The following CYP3A5 variants were observed in gnomAD, a reference collection of about 807,000 sequenced individuals.
CYP3A5 encodes cytochrome P450 3A5.
In CYP3A5, 51 loss-of-function variants were observed where a neutral mutation model predicts 55.9. The ratio of observed to expected loss-of-function variants is 0.91; its 90% CI spans 0.73 to 1.15. The LOEUF is 1.15. Ranked by LOEUF, CYP3A5 falls within the 50% of genes most tolerant of loss-of-function variation. The pLI is 0.00. For synonymous variants in CYP3A5, 196 were observed against 213.9 expected, an observed-to-expected ratio of 0.92 and a Z score of 0.73; for missense variants, 533 against 596.6, an observed-to-expected ratio of 0.89 and a Z score of 1.11.
chr7:99,676,181 A>C lies in CYP3A5; in HGVS notation c.99T>G (p.Phe33Leu). The C allele has an allele frequency of 3.1e-6, 5 of 1,613,790 alleles. No individual in the cohort carries two copies. Among genetic ancestry groups the C allele is most frequent in the Non-Finnish European group, 4.2e-6 (5 of 1,179,860 alleles). ...YLYGTRTHGL[F>L]KRLGIPGPTP... ...TGGGCCCTGGAATTCCCAGTCTCTTAAAAAGTCCATGTGTACGGGTCCCAT... is the reference window on the plus strand; with the variant it reads ...TGGGCCCTGGAATTCCCAGTCTCTTCAAAAGTCCATGTGTACGGGTCCCAT... The change falls in exon 2 of 13, where the codon TTT becomes TTG. Residue 33 changes from phenylalanine to leucine, a missense_variant. Phe to Leu is a conservative substitution (Grantham distance 22, BLOSUM62 0). Transcript: ENST00000222982.
At chr7:99,678,661 C>G (rs1812525529) in intron 1 of CYP3A5, among the ~76,000 whole-genome samples, 1 of 152,116 alleles carries the variant, frequency 6.6e-6, no homozygotes, top group Non-Finnish European at 1.5e-5. Context: ...TAGTCTATCT[C>G]CAAAAAATTC....
chr7:99,661,757 C>T (rs556331375), intron 9 of CYP3A5, among the ~76,000 whole-genome samples: 1 of 152,300 alleles, frequency 6.6e-6, no homozygotes, highest in East Asian at 1.9e-4. Context: ...ATTCAACCAT[C>T]CAATTATTTT....
At chr7:99,651,260 A>G (rs41303952) in intron 11 of CYP3A5, among the ~76,000 whole-genome samples, 2,606 of 152,296 alleles carry the variant, frequency 0.017, 66 homozygotes, top group African/African-American at 0.058. Flanking sequence ...TCTAATATAT[A>G]TATACACACA....
chr7:99,661,292 A>G (rs1810417348), intron 9 of CYP3A5, among the ~76,000 whole-genome samples: 1 of 152,210 alleles, frequency 6.6e-6, no homozygotes, highest in African/African-American at 2.4e-5. Flanking sequence ...TACTGAATCA[A>G]AATCCAAACT....
chr7:99,649,825 C>T (rs1237660983), intron 12 of CYP3A5, among the ~76,000 whole-genome samples: 2 of 152,072 alleles, frequency 1.3e-5, no homozygotes, highest in Non-Finnish European at 2.9e-5. Context: ...TGAATTTAAA[C>T]TTACTCAGGT....
At chr7:99,679,675 A>C in intron 1 of CYP3A5, 151 bp downstream of exon 1, 1 of 690,384 alleles carries the variant, frequency 1.4e-6, no homozygotes, top group Non-Finnish European at 2.5e-6. Flanking sequence ...TGCATAAGAT[A>C]ATAATAACTT....
chr7:99,660,683 T>G (rs773376822), intron 9 of CYP3A5, 24 bp from the exon 10 acceptor site: 2 of 1,612,746 alleles, frequency 1.2e-6, no homozygotes, highest in Non-Finnish European at 1.7e-6. Context: ...AAAGACATTT[T>G]AGGTAAATCA....
At chr7:99,660,077 C>G in intron 10 of CYP3A5, 1 of 442,836 alleles carries the variant, frequency 2.3e-6, no homozygotes, top group Non-Finnish European at 3.0e-6. Context: ...CTGTCCTGCA[C>G]CCACTCTCCA....
intron 3 of CYP3A5, 48 bp downstream of exon 3, chr7:99,674,485 C>T (rs763669068): frequency 2.0e-6 from 3 of 1,505,798 alleles, no homozygotes; most frequent in South Asian, 1.1e-5. Context: ...GTGGGGTAAC[C>T]TCCTCACAGT....
chr7:99,678,846 T>G (rs1260115339), intron 1 of CYP3A5, among the ~76,000 whole-genome samples: 1 of 152,184 alleles, frequency 6.6e-6, no homozygotes, highest in Non-Finnish European at 1.5e-5. Flanking sequence ...AAAAGTCAAA[T>G]TGAGGTAGAA....
Position 99,653,994 on chromosome 7 carries a change from A to T in CYP3A5, c.1027-1215T>A, listed in dbSNP as rs1405208760. On this transcript the variant is annotated intron_variant, in intron 10 of 12. Coordinates refer to ENST00000222982, the MANE Select transcript of CYP3A5 (RefSeq NM_000777.5). This position sits in a 1 kb window ranked among gnomAD's most constrained non-coding sequence, Gnocchi z 4.2. ...CCAGGCTACCTCAGACCATAGCCAGACCAGAGTGAGTCCAGTCAGTATCAG... is the reference window on the plus strand; with the variant it reads ...CCAGGCTACCTCAGACCATAGCCAGTCCAGAGTGAGTCCAGTCAGTATCAG... Among the ~76,000 whole-genome samples the T allele has an allele frequency of 6.6e-6, 1 of 152,188 alleles. No homozygotes were observed.
At chr7:99,652,131 T>C (rs190222224) in intron 11 of CYP3A5, among the ~76,000 whole-genome samples, 1 of 150,982 alleles carries the variant, frequency 6.6e-6, no homozygotes, top group African/African-American at 2.4e-5. Flanking sequence ...AATAACATCA[T>C]GGTTAAATGG....
At chr7:99,660,395 A>C in intron 10 of CYP3A5, 104 bp downstream of exon 10, 2 of 1,477,714 alleles carry the variant, frequency 1.4e-6, no homozygotes, top group Non-Finnish European at 1.8e-6. Flanking sequence ...CAGTGAAGGA[A>C]TCAGTGATTA....
intron 10 of CYP3A5, 169 bp downstream of exon 10, chr7:99,660,330 C>A: frequency 8.0e-7 from 1 of 1,244,606 alleles, no homozygotes; most frequent in South Asian, 1.9e-5. Flanking sequence ...CCAGTAGCAA[C>A]CGTTCTCTAT....
At chr7:99,672,998 G>T in intron 3 of CYP3A5, 1 of 600,746 alleles carries the variant, frequency 1.7e-6, no homozygotes, top group Non-Finnish European at 2.2e-6. Context: ...TACATACGTG[G>T]GTATCTCCTA....
Position 99,650,115 on chromosome 7 carries a change from T to C in CYP3A5, c.1371A>G (p.Arg457=). The C allele has an allele frequency of 6.2e-7, 1 of 1,613,796 alleles. No individual in the cohort carries two copies. Among genetic ancestry groups the C allele is most frequent in the Non-Finnish European group, 8.5e-7 (1 of 1,179,682 alleles). Residue 457 remains arginine, a synonymous_variant, in exon 12 of 13, where the codon AGA becomes AGG. Coordinates refer to ENST00000222982, the MANE Select transcript of CYP3A5 (RefSeq NM_000777.5). ...GTTTGAAGGAGAAGTTCTGAAGGACTCTGATTAGAGCAAGTTTCATGTTCA... is the reference window on the plus strand; with the variant it reads ...GTTTGAAGGAGAAGTTCTGAAGGACCCTGATTAGAGCAAGTTTCATGTTCA... ...ALMNMKLALI[R]VLQNFSFKPC...
At chr7:99,667,173 A>G in intron 4 of CYP3A5, 108 bp from the exon 5 acceptor site, 2 of 914,100 alleles carry the variant, frequency 2.2e-6, no homozygotes, top group South Asian at 1.7e-5. Context: ...TATTGACTGT[A>G]TATGATATTA....
chr7:99,649,467 G>A (rs1261785755), intron 12 of CYP3A5, among the ~76,000 whole-genome samples: 2 of 152,180 alleles, frequency 1.3e-5, no homozygotes, highest in African/African-American at 4.8e-5. Context: ...TAAGGTCAAG[G>A]AGTAAGGATA....
chr7:99,652,698 C>T lies in CYP3A5; in HGVS notation c.1108G>A (p.Ala370Thr). 3 of 1,614,112 alleles carry T rather than the reference C, an allele frequency of 1.9e-6. No homozygotes were observed. Among genetic ancestry groups the T allele is most frequent in the Non-Finnish European group, 2.5e-6 (3 of 1,180,014 alleles). ...VNETLRLFPV[A>T]IRLERTCKKD... is the part of the protein sequence containing the mutation. ...TTGCAAGTCCTCTCAAGTCTAATAG[C>T]AACTGGGAATAATCTGAGTGTTTCA... The change falls in exon 11 of 13, where the codon GCT (alanine) becomes ACT (threonine). Residue 370 changes from alanine (A) to threonine (T), a missense_variant. Ala to Thr is a moderately conservative substitution (Grantham distance 58). Transcript: ENST00000222982.
Sources: allele counts gnomAD v4.1 joint callset (sites outside exome capture counted in the v4.1 genomes callset), GRCh38; gene constraint gnomAD v4.1.1; non-coding constraint Gnocchi (gnomAD v3.1); transcripts MANE v1.5; gene names NCBI Gene and HGNC (gene_info 2026-07-23, HGNC 2026-07-21).